GRIK4: variants seen among roughly 807,000 people sequenced by gnomAD.
The protein encoded by GRIK4 is glutamate ionotropic receptor kainate type subunit 4.
Under a neutral mutation model 104.9 loss-of-function variants are expected in GRIK4, and 40 were observed. That is an observed-to-expected ratio of 0.38 (90% CI 0.30 to 0.50). The LOEUF (loss-of-function observed/expected upper bound fraction) is 0.50, where lower values mean the gene tolerates loss of function less well. Among genes scored for constraint, GRIK4 ranks in the 20% least tolerant of loss-of-function variants. The pLI is 0.93. For synonymous variants in GRIK4, 485 were observed against 524.9 expected (o/e 0.92, Z 1.04); for missense variants, 1,047 against 1,308.1 (o/e 0.80, Z 3.08).
intron 3 of GRIK4, among the ~76,000 whole-genome samples, chr11:120,798,418 C>T (rs750135147): frequency 2.6e-5 from 4 of 152,110 alleles, no homozygotes; most frequent in Non-Finnish European, 5.9e-5. Flanking sequence ...CTGCCTCAGA[C>T]TCCCAAAGTG....
intron 2 of GRIK4, among the ~76,000 whole-genome samples, chr11:120,659,027 C>T (rs1350052096): frequency 1.3e-5 from 2 of 151,932 alleles, no homozygotes; most frequent in African/African-American, 2.4e-5. Context: ...GGATTACAGG[C>T]GTGAGTCTGT....
intron 1 of GRIK4, among the ~76,000 whole-genome samples, chr11:120,608,183 A>G (rs1244550270): frequency 6.6e-6 from 1 of 152,194 alleles, no homozygotes; most frequent in African/African-American, 2.4e-5. Context: ...GGAGAGGCTG[A>G]GGTCAGGAGG....
At chr11:120,643,736 TAG>T (rs1286153268) in intron 1 of GRIK4, among the ~76,000 whole-genome samples, 2 of 152,190 alleles carry the variant, frequency 1.3e-5, no homozygotes, top group Non-Finnish European at 2.9e-5. Flanking sequence ...CCGTGCCTCT[TAG>T]GGTTGTTGTA....
chr11:120,900,858 G>C (rs1373901816), intron 12 of GRIK4, among the ~76,000 whole-genome samples: 5 of 152,216 alleles, frequency 3.3e-5, no homozygotes, highest in African/African-American at 9.7e-5. Flanking sequence ...CCAGAAAGAT[G>C]AGAGGGTTGC....
chr11:120,773,341 G>C (rs1318825374), intron 3 of GRIK4, among the ~76,000 whole-genome samples: 1 of 152,236 alleles, frequency 6.6e-6, no homozygotes, highest in East Asian at 1.9e-4. Context: ...ATTTCCGACA[G>C]TGTGGTTGAC....
At chr11:120,913,056 G>A (rs997551478) in intron 13 of GRIK4, among the ~76,000 whole-genome samples, 2 of 152,310 alleles carry the variant, frequency 1.3e-5, no homozygotes, top group South Asian at 4.1e-4. Flanking sequence ...ACAAGCATTA[G>A]CTCTTTCATC....
At chr11:120,649,017 A>G (rs1455177724) in intron 1 of GRIK4, among the ~76,000 whole-genome samples, 3 of 152,200 alleles carry the variant, frequency 2.0e-5, no homozygotes, top group African/African-American at 7.2e-5. Context: ...CCTTGCCCCA[A>G]GCAGATGGGA....
At chr11:120,663,787 G>A (rs572144641) in intron 3 of GRIK4, among the ~76,000 whole-genome samples, 1 of 152,048 alleles carries the variant, frequency 6.6e-6, no homozygotes, top group Non-Finnish European at 1.5e-5. Flanking sequence ...AACAAATCCA[G>A]CTCCTCCTTC....
At chr11:120,544,563 T>G (rs1264924085) in intron 1 of GRIK4, among the ~76,000 whole-genome samples, 1 of 152,172 alleles carries the variant, frequency 6.6e-6, no homozygotes, top group African/African-American at 2.4e-5. Flanking sequence ...GCTCCTGACC[T>G]CAGGTGATCC....
At position 120,952,843 on chromosome 11, in the gene GRIK4, C is replaced by G. The variant is rs370443013; in HGVS notation, c.1591-12C>G. 4 of 1,585,396 alleles carry G rather than the reference C, an allele frequency of 2.5e-6. No individual in the cohort carries two copies. Among genetic ancestry groups the G allele is most frequent in the Non-Finnish European group, 3.5e-6 (4 of 1,153,774 alleles). ...TATGTGCGGTGAATCTTGTTTTTCT[C>G]TCCATTTCCAGGGACGCAAACCCGG... On this transcript the variant is annotated splice_polypyrimidine_tract_variant and intron_variant, in intron 14 of 20. Transcript: ENST00000527524. The surrounding 1 kb of genome is among the most constrained non-coding windows in gnomAD (Gnocchi z 5.2).
At chr11:120,812,486 G>T (rs1187253373) in intron 4 of GRIK4, among the ~76,000 whole-genome samples, 2 of 152,202 alleles carry the variant, frequency 1.3e-5, no homozygotes, top group Non-Finnish European at 2.9e-5. Flanking sequence ...TAACAAATCT[G>T]ATATGGTGGG....
chr11:120,520,973 G>C (rs976225051), intron 1 of GRIK4, among the ~76,000 whole-genome samples: 1 of 152,198 alleles, frequency 6.6e-6, no homozygotes, highest in Non-Finnish European at 1.5e-5. Flanking sequence ...GTGGGTTTGG[G>C]CGGGGCACGG....
rs918972526 is a variant in GRIK4 at position 120,666,552 on chromosome 11, C to T, written c.82+6152C>T. On this transcript the variant is annotated intron_variant, in intron 3 of 20. Transcript: ENST00000527524. Reference sequence around the variant, plus strand: ...TTGTTTTCTTAAGCATATTGTGATCCATCATTGGTAAGGATCCCACTGGTA... The same window carrying T: ...TTGTTTTCTTAAGCATATTGTGATCTATCATTGGTAAGGATCCCACTGGTA... 7.2e-5 allele frequency among the ~76,000 whole-genome samples: 11 copies of T among 152,296 alleles called. No homozygotes were observed. In the East Asian group the frequency reaches 1.7e-3, roughly 24 times the overall value.
intron 1 of GRIK4, among the ~76,000 whole-genome samples, chr11:120,575,274 G>A (rs1382358309): frequency 6.6e-6 from 1 of 152,094 alleles, no homozygotes; most frequent in East Asian, 1.9e-4. Context: ...CGGGCTCATG[G>A]TGCCTTGGTG....
intron 3 of GRIK4, among the ~76,000 whole-genome samples, chr11:120,750,212 G>A (rs1951523281): frequency 6.6e-6 from 1 of 151,866 alleles, no homozygotes; most frequent in African/African-American, 2.4e-5. Context: ...TGAGTGCCAA[G>A]TGTTTCTCAT....
At chr11:120,566,366 A>C (rs1948322522) in intron 1 of GRIK4, among the ~76,000 whole-genome samples, 1 of 152,206 alleles carries the variant, frequency 6.6e-6, no homozygotes, top group African/African-American at 2.4e-5. Flanking sequence ...GCCAGACTTC[A>C]AATTCCTTCT....
At chr11:120,570,427 T>G (rs899375373) in intron 1 of GRIK4, among the ~76,000 whole-genome samples, 2 of 152,238 alleles carry the variant, frequency 1.3e-5, no homozygotes, top group Non-Finnish European at 2.9e-5. Context: ...TATTTTAATG[T>G]ATCGATTGCA....
In GRIK4 at chr11:120,780,724, G is replaced by T. The variant is rs533901685; in HGVS notation, c.83-21969G>T. ...ACATTATCCGGGGTTTTTTTTGTTT[G>T]TTTGTTTGTTTGTTGTTTTTTTTGT... On this transcript the variant is annotated intron_variant, in intron 3 of 20. Coordinates refer to ENST00000527524, the MANE Select transcript of GRIK4 (RefSeq NM_014619.5). 5.7e-4 allele frequency among the ~76,000 whole-genome samples: 87 copies of T among 151,876 alleles called. 1 individual carries two copies. Among genetic ancestry groups the T allele is most frequent in the African/African-American group, 2.1e-3 (85 of 41,424 alleles).
intron 3 of GRIK4, among the ~76,000 whole-genome samples, chr11:120,670,319 A>C (rs888932186): frequency 6.6e-6 from 1 of 152,226 alleles, no homozygotes; most frequent in Admixed American, 6.5e-5. Flanking sequence ...TAAGATGTAA[A>C]TTGGATTGTG....
Sources: gnomAD v4.1 joint callset for allele counts (sites outside exome capture counted in the v4.1 genomes callset) on GRCh38, gnomAD v4.1.1 for gene constraint, Gnocchi (gnomAD v3.1) non-coding constraint, MANE v1.5 for transcripts, NCBI Gene and HGNC (gene_info 2026-07-23, HGNC 2026-07-21) for gene names.